RALGAPA2: variants seen among roughly 807,000 people sequenced by gnomAD.
RALGAPA2 encodes the protein Ral GTPase activating protein catalytic subunit alpha 2, also known as ral GTPase-activating protein subunit alpha-2.
Under a neutral mutation model 230.4 loss-of-function variants are expected in RALGAPA2, and 139 were observed. The observed-to-expected ratio is 0.60, with a 90% CI of 0.53 to 0.69. RALGAPA2 has a LOEUF of 0.69. Among genes scored for constraint, RALGAPA2 ranks in the 30% least tolerant of loss-of-function variants. RALGAPA2 has a pLI of 0.00. For missense variants in RALGAPA2, 2,163 were observed against 2,276.0 expected (o/e 0.95, Z 1.01); for synonymous variants, 847 against 837.8 (o/e 1.01, Z -0.19).
chr20:20,530,906 A>G (rs1004320887), intron 27 of RALGAPA2, among the ~76,000 whole-genome samples: 3 of 152,216 alleles, frequency 2.0e-5, no homozygotes, highest in Non-Finnish European at 4.4e-5. Flanking sequence ...TGGTTCCCTA[A>G]GTGTGATAAT....
chr20:20,627,797 T>G (rs2066537363), intron 10 of RALGAPA2, among the ~76,000 whole-genome samples: 1 of 152,222 alleles, frequency 6.6e-6, no homozygotes, highest in Non-Finnish European at 1.5e-5. Context: ...AAAATTTGTT[T>G]AATGAAATTA....
intron 16 of RALGAPA2, among the ~76,000 whole-genome samples, chr20:20,594,733 T>G (rs1213287940): frequency 1.3e-5 from 2 of 149,712 alleles, no homozygotes; most frequent in African/African-American, 4.9e-5. Context: ...ACTTTCTTTT[T>G]TTTTTTTTTT....
chr20:20,615,790 G>T (rs1414191331), intron 13 of RALGAPA2, among the ~76,000 whole-genome samples: 1 of 152,142 alleles, frequency 6.6e-6, no homozygotes, highest in Non-Finnish European at 1.5e-5. Context: ...TATGTTTAAC[G>T]TTTAAAAGGA....
chr20:20,594,159 A>C (rs1279366021), intron 16 of RALGAPA2, among the ~76,000 whole-genome samples: 1 of 152,174 alleles, frequency 6.6e-6, no homozygotes, highest in Non-Finnish European at 1.5e-5. Context: ...GAGAATTTTC[A>C]ATTCTCCTTA....
rs777054407 is a variant in RALGAPA2, at chr20:20,524,848, T to C, written c.3744A>G (p.Ser1248=). ...AFLLPSAEYS[S]VETDKKFIVS... is the part of the protein sequence containing the mutation. ...CACCTACCTTCTTGTCTGTTTCCACTGAGGAGTACTCTGCACTTGGTAAAA... is the reference window on the plus strand; with the variant it reads ...CACCTACCTTCTTGTCTGTTTCCACCGAGGAGTACTCTGCACTTGGTAAAA... The change falls in exon 29 of 40, where the codon TCA becomes TCG. Residue 1248 remains serine (S), a synonymous_variant. Coordinates refer to ENST00000202677, the MANE Select transcript of RALGAPA2 (RefSeq NM_020343.4). The C allele has an allele frequency of 6.2e-7, 1 of 1,607,808 alleles. No homozygotes were observed. Among genetic ancestry groups the C allele is most frequent in the African/African-American group, 1.3e-5 (1 of 74,762 alleles).
At chr20:20,458,725 T>C (rs1207041007) in intron 37 of RALGAPA2, among the ~76,000 whole-genome samples, 54 of 124,186 alleles carry the variant, frequency 4.3e-4, no homozygotes, top group African/African-American at 1.4e-3. Context: ...TATATATATA[T>C]ATACACACAC....
chr20:20,626,039 T>C (rs1318555667), intron 10 of RALGAPA2, among the ~76,000 whole-genome samples: 1 of 152,226 alleles, frequency 6.6e-6, no homozygotes, highest in East Asian at 1.9e-4. Context: ...AAGTCACTCA[T>C]GGACATCTGA....
intron 1 of RALGAPA2, among the ~76,000 whole-genome samples, chr20:20,710,018 A>G (rs2069785712): frequency 6.6e-6 from 1 of 152,206 alleles, no homozygotes; most frequent in Non-Finnish European, 1.5e-5. Context: ...TCCTTTAAAA[A>G]GCAAACATTA....
chr20:20,559,482 T>C (rs1292250387), intron 23 of RALGAPA2, among the ~76,000 whole-genome samples: 2 of 152,144 alleles, frequency 1.3e-5, no homozygotes, highest in Admixed American at 1.3e-4. Context: ...ACACTACACC[T>C]GTCCTGCCCA....
intron 3 of RALGAPA2, among the ~76,000 whole-genome samples, chr20:20,668,802 G>C (rs1480120475): frequency 1.3e-5 from 2 of 152,194 alleles, no homozygotes; most frequent in Non-Finnish European, 2.9e-5. Flanking sequence ...AATAAACTAA[G>C]AGGCAGAAGT....
At position 20,423,210 on chromosome 20, in the gene RALGAPA2, G is replaced by A. The variant is rs1200673766; in HGVS notation, c.5496-11062C>T. On this transcript the variant is annotated intron_variant, in intron 37 of 39. Transcript: ENST00000202677. ...AAAGGGACCTGAGGAGGAGGGCAGG[G>A]TTGAGTGGAGGAGTCTGAAGAGCCC... Among the ~76,000 whole-genome samples, 4 of 152,170 alleles carry A rather than the reference G, an allele frequency of 2.6e-5. No individual in the cohort carries two copies. The South Asian group carries it at 6.2e-4, about 24-fold the overall frequency.
chr20:20,606,937 G>A (rs2065838815), intron 14 of RALGAPA2, among the ~76,000 whole-genome samples: 1 of 152,112 alleles, frequency 6.6e-6, no homozygotes, highest in Non-Finnish European at 1.5e-5. Context: ...ACATAGCCAA[G>A]TCCATCTCAA....
chr20:20,458,580 A>G (rs1291265717), intron 37 of RALGAPA2, among the ~76,000 whole-genome samples: 1 of 136,190 alleles, frequency 7.3e-6, no homozygotes, highest in African/African-American at 2.8e-5. Flanking sequence ...TAATATATAT[A>G]CCAATACAAT....
intron 13 of RALGAPA2, among the ~76,000 whole-genome samples, chr20:20,614,747 T>C (rs1305134159): frequency 6.6e-6 from 1 of 152,200 alleles, no homozygotes; most frequent in African/African-American, 2.4e-5. Context: ...GGCCTACAGT[T>C]CCTTTCCGAT....
chr20:20,649,792 T>A (rs2067334182), intron 4 of RALGAPA2, among the ~76,000 whole-genome samples: 1 of 152,180 alleles, frequency 6.6e-6, no homozygotes, highest in Non-Finnish European at 1.5e-5. Context: ...AAGTCCTGTG[T>A]TGACGATGCG....
intron 33 of RALGAPA2, among the ~76,000 whole-genome samples, chr20:20,507,441 C>A (rs1196211681): frequency 6.6e-6 from 1 of 152,234 alleles, no homozygotes; most frequent in African/African-American, 2.4e-5. Flanking sequence ...CTCCTGTGTT[C>A]CAGTGATTCT....
At chr20:20,578,430 T>C (rs972893027) in intron 20 of RALGAPA2, among the ~76,000 whole-genome samples, 1 of 152,200 alleles carries the variant, frequency 6.6e-6, no homozygotes, top group South Asian at 2.1e-4. Flanking sequence ...TACTTAATGC[T>C]ATACGGGTGT....
intron 20 of RALGAPA2, 27 bp from the exon 21 acceptor site, chr20:20,573,095 C>A: frequency 6.5e-7 from 1 of 1,533,520 alleles, no homozygotes; most frequent in East Asian, 2.4e-5. Context: ...GTCTGTTAAC[C>A]CTGTAAACAA....
intron 37 of RALGAPA2, chr20:20,472,567 C>T (rs1429495628): frequency 7.8e-6 from 2 of 256,858 alleles, no homozygotes; most frequent in East Asian, 1.8e-4. Context: ...ATGAGCATCT[C>T]ATAATGGTCA....
Sources: allele counts gnomAD v4.1 joint callset (sites outside exome capture counted in the v4.1 genomes callset), GRCh38; gene constraint gnomAD v4.1.1; transcripts MANE v1.5; gene names NCBI Gene and HGNC (gene_info 2026-07-23, HGNC 2026-07-21).